Variants in SLC14A2 observed in about 807,000 individuals in gnomAD.
The protein encoded by SLC14A2 is solute carrier family 14 member 2, also known as urea transporter 2.
Under a neutral mutation model 104.6 loss-of-function variants are expected in SLC14A2, and 91 were observed. That is an observed-to-expected ratio of 0.87 (90% CI 0.73 to 1.04). The LOEUF (loss-of-function observed/expected upper bound fraction) is 1.04, where lower values mean the gene tolerates loss of function less well. SLC14A2 is among the 50% of genes least tolerant of loss of function. The pLI, the probability that SLC14A2 is intolerant of heterozygous loss-of-function variation, is 0.00. For missense variants in SLC14A2, 1,189 were observed against 1,156.0 expected (o/e 1.03, Z -0.41); for synonymous variants, 476 against 466.4 (o/e 1.02, Z -0.27).
chr18:45,351,667 G>A (rs1013138983), intron 1 of SLC14A2, among the ~76,000 whole-genome samples: 9 of 152,152 alleles, frequency 5.9e-5, no homozygotes, highest in African/African-American at 9.7e-5. Context: ...ACTTATGTAC[G>A]CTCAGTACCT....
At chr18:45,543,891 T>A (rs910073065) in intron 2 of SLC14A2, among the ~76,000 whole-genome samples, 2 of 152,166 alleles carry the variant, frequency 1.3e-5, no homozygotes, top group African/African-American at 4.8e-5. Flanking sequence ...AACACCTATG[T>A]TCTGAAATGT....
At chr18:45,416,119 T>C (rs1399243869) in intron 1 of SLC14A2, among the ~76,000 whole-genome samples, 1 of 152,174 alleles carries the variant, frequency 6.6e-6, no homozygotes, top group Non-Finnish European at 1.5e-5. Context: ...CCTAAGTGCC[T>C]GTATTGTGAA....
At chr18:45,419,460 A>G (rs2086315779) in intron 1 of SLC14A2, among the ~76,000 whole-genome samples, 1 of 152,220 alleles carries the variant, frequency 6.6e-6, no homozygotes, top group South Asian at 2.1e-4. Context: ...TCCCAGAAGC[A>G]GTTCAAAATG....
intron 1 of SLC14A2, among the ~76,000 whole-genome samples, chr18:45,325,891 GGA>G (rs1378295693): frequency 6.6e-6 from 1 of 152,146 alleles, no homozygotes; most frequent in African/African-American, 2.4e-5. Flanking sequence ...TACAGGGTCT[GGA>G]TCAGTGAGTG....
chr18:45,168,411 T>C, the SLC14A2 span, among the ~76,000 whole-genome samples: 1 of 152,192 alleles, frequency 6.6e-6, no homozygotes, highest in South Asian at 2.1e-4. Flanking sequence ...TTTTTATATA[T>C]GTAAAACACT....
chr18:45,377,599 C>T (rs2085788911), intron 1 of SLC14A2, among the ~76,000 whole-genome samples: 1 of 152,116 alleles, frequency 6.6e-6, no homozygotes, highest in African/African-American at 2.4e-5. Flanking sequence ...GATTAAGCAT[C>T]ACAGGTCCTT....
intron 2 of SLC14A2, among the ~76,000 whole-genome samples, chr18:45,587,999 G>A (rs953954771): frequency 7.9e-5 from 12 of 151,948 alleles, no homozygotes; most frequent in Middle Eastern, 3.4e-3. Context: ...GCAGGGGGGC[G>A]CTAGGGCAGC....
intron 1 of SLC14A2, among the ~76,000 whole-genome samples, chr18:45,431,298 G>C (rs751018674): frequency 1.3e-4 from 20 of 152,022 alleles, no homozygotes; most frequent in Non-Finnish European, 2.5e-4. Flanking sequence ...TGAGTGTGTT[G>C]TGCGTGGTCT....
chr18:45,464,208 G>A (rs937062475), intron 1 of SLC14A2, among the ~76,000 whole-genome samples: 1 of 152,188 alleles, frequency 6.6e-6, no homozygotes, highest in Admixed American at 6.5e-5. Context: ...CTGAGTTCTT[G>A]TCTGGTCTTT....
intron 1 of SLC14A2, among the ~76,000 whole-genome samples, chr18:45,249,065 C>T (rs62092157): frequency 0.068 from 10,284 of 152,208 alleles, 451 homozygotes; most frequent in Non-Finnish European, 0.098. Context: ...TGGGGGTTAC[C>T]TCTAAGATAG....
intron 1 of SLC14A2, among the ~76,000 whole-genome samples, chr18:45,321,109 T>C (rs996459039): frequency 4.6e-5 from 7 of 152,224 alleles, no homozygotes; most frequent in African/African-American, 9.7e-5. Context: ...GTTCTCACTA[T>C]TTGGTCTAAG....
At chr18:45,611,297 C>T (rs1477890515), upstream of SLC14A2, among the ~76,000 whole-genome samples, 1 of 152,228 alleles carries the variant, frequency 6.6e-6, no homozygotes, top group Non-Finnish European at 1.5e-5. Context: ...CTCCCAGGGA[C>T]AGCCCTTCCT....
intron 1 of SLC14A2, among the ~76,000 whole-genome samples, chr18:45,260,825 T>C (rs567941591): frequency 6.6e-6 from 1 of 152,116 alleles, no homozygotes; most frequent in African/African-American, 2.4e-5. Context: ...CAACAGATAC[T>C]GGGGACTACT....
At chr18:45,222,934 C>T (rs2084077414) in intron 1 of SLC14A2, among the ~76,000 whole-genome samples, 1 of 152,132 alleles carries the variant, frequency 6.6e-6, no homozygotes, top group Non-Finnish European at 1.5e-5. Context: ...CCCTTTACTT[C>T]CCACTCAGTC....
chr18:45,548,375 T>G (rs961153736), intron 2 of SLC14A2, among the ~76,000 whole-genome samples: 3 of 152,128 alleles, frequency 2.0e-5, no homozygotes, highest in African/African-American at 7.2e-5. Flanking sequence ...GATTTTTGAT[T>G]CGGGGAAAAG....
intron 1 of SLC14A2, among the ~76,000 whole-genome samples, chr18:45,225,565 C>T (rs1041748590): frequency 6.6e-6 from 1 of 152,128 alleles, no homozygotes. Context: ...GGCATTGAAT[C>T]TATAAATTAC....
At chr18:45,379,769 C>T (rs2085813829) in intron 1 of SLC14A2, among the ~76,000 whole-genome samples, 1 of 152,170 alleles carries the variant, frequency 6.6e-6, no homozygotes, top group Non-Finnish European at 1.5e-5. Context: ...CACTGAGTCT[C>T]CCGTCCTCTA....
At position 45,266,564 on chromosome 18, in the gene SLC14A2, T is replaced by C. The variant is rs1239634311; in HGVS notation, c.-125+53373T>C. On this transcript the variant is annotated intron_variant, in intron 1 of 20. Transcript: ENST00000586448. ...CTTTATTTTCATGGAAAATTCAACC[T>C]AAACTCCCTTAAAAAAAATCAAGTT... 7.9e-5 allele frequency among the ~76,000 whole-genome samples: 12 copies of C among 152,232 alleles called. No homozygotes were observed. In the East Asian group the frequency reaches 2.1e-3, roughly 27 times the overall value.
At chr18:45,294,569 A>G (rs1008067205) in intron 1 of SLC14A2, among the ~76,000 whole-genome samples, 4 of 152,250 alleles carry the variant, frequency 2.6e-5, no homozygotes, top group African/African-American at 9.6e-5. Context: ...GCAATGTGGC[A>G]TGCTTGGGCC....
Sources: allele counts gnomAD v4.1 joint callset (sites outside exome capture counted in the v4.1 genomes callset), GRCh38; gene constraint gnomAD v4.1.1; transcripts MANE v1.5; gene names NCBI Gene and HGNC (gene_info 2026-07-23, HGNC 2026-07-21).